Variants in GPC5 observed in about 807,000 individuals in gnomAD.
GPC5 encodes the protein glypican 5.
Under a neutral mutation model 53.9 loss-of-function variants are expected in GPC5, and 47 were observed. That is an observed-to-expected ratio of 0.87 (90% CI 0.69 to 1.11). GPC5 has a LOEUF of 1.11. Among genes scored for constraint, GPC5 ranks in the 50% most tolerant of loss-of-function variants. The pLI, the probability that GPC5 is intolerant of heterozygous loss-of-function variation, is 0.00. For missense variants in GPC5, 748 were observed against 713.1 expected (o/e 1.05, Z -0.56); for synonymous variants, 286 against 263.3 (o/e 1.09, Z -0.84).
chr13:92,032,835 T>G (rs1446645792), intron 6 of GPC5, among the ~76,000 whole-genome samples: 1 of 152,192 alleles, frequency 6.6e-6, no homozygotes, highest in Non-Finnish European at 1.5e-5. Context: ...TCCCCCATTC[T>G]CTGCCCATCT....
At chr13:92,825,559 C>T (rs1877818785) in intron 7 of GPC5, among the ~76,000 whole-genome samples, 1 of 152,108 alleles carries the variant, frequency 6.6e-6, no homozygotes, top group Admixed American at 6.6e-5. Flanking sequence ...TGCTGCATAA[C>T]ATGAATTACA....
chr13:92,791,321 G>C (rs1363647796), intron 7 of GPC5, among the ~76,000 whole-genome samples: 1 of 151,578 alleles, frequency 6.6e-6, no homozygotes, highest in Non-Finnish European at 1.5e-5. Flanking sequence ...ATGAGTTAAA[G>C]AGTTGCCAAG....
At chr13:91,951,658 A>C (rs968486372) in intron 6 of GPC5, among the ~76,000 whole-genome samples, 1 of 152,134 alleles carries the variant, frequency 6.6e-6, no homozygotes, top group Non-Finnish European at 1.5e-5. Context: ...TCACATTTTT[A>C]CAAATGTTAG....
Position 92,824,534 on chromosome 13 carries a change from A to G in GPC5, c.1562-41748A>G, listed in dbSNP as rs572205306. Among the ~76,000 whole-genome samples, 4 of 152,230 alleles carry G rather than the reference A, an allele frequency of 2.6e-5. No individual in the cohort carries two copies. The East Asian group carries it at 7.7e-4, about 29-fold the overall frequency. On this transcript the variant is annotated intron_variant, in intron 7 of 7. Coordinates refer to ENST00000377067, the MANE Select transcript of GPC5 (RefSeq NM_004466.6). ...TGGAAGAAGACAGCATAATTCCTAT[A>G]TCCTGGAATATATGCATTGCTCAAT...
At chr13:92,351,671 G>C (rs1420176139) in intron 7 of GPC5, among the ~76,000 whole-genome samples, 1 of 152,056 alleles carries the variant, frequency 6.6e-6, no homozygotes, top group Non-Finnish European at 1.5e-5. Context: ...TTGATGCATA[G>C]AGACAATTAG....
intron 2 of GPC5, among the ~76,000 whole-genome samples, chr13:91,459,136 A>C (rs1247243961): frequency 2.0e-5 from 3 of 151,852 alleles, no homozygotes; most frequent in Non-Finnish European, 4.4e-5. Flanking sequence ...GGTGCACCAA[A>C]ATTTCAGAAG....
chr13:92,607,074 T>G (rs1346473905), intron 7 of GPC5, among the ~76,000 whole-genome samples: 1 of 152,224 alleles, frequency 6.6e-6, no homozygotes, highest in African/African-American at 2.4e-5. Flanking sequence ...GTAGATTTGA[T>G]GTTCTGAAAC....
At position 92,730,742 on chromosome 13, in the gene GPC5, G is replaced by T. The variant is rs78516608; in HGVS notation, c.1562-135540G>T. On this transcript the variant is annotated intron_variant, in intron 7 of 7. Transcript: ENST00000377067. The stretch of plus-strand genomic sequence containing the variant: ...GGCCATGTAGAGCAGAGAAAAGACT[G>T]CAGATTTAAAGACTTCTTGAGGCTG... Among the ~76,000 whole-genome samples the T allele has an allele frequency of 5.2e-3, 791 of 151,432 alleles. 7 individuals are homozygous for T. Among genetic ancestry groups the T allele is most frequent in the Non-Finnish European group, 7.9e-3 (535 of 67,572 alleles).
chr13:91,919,709 C>T (rs893070206), intron 6 of GPC5, among the ~76,000 whole-genome samples: 4 of 152,084 alleles, frequency 2.6e-5, no homozygotes, highest in Non-Finnish European at 5.9e-5. Context: ...CCTCCACTTT[C>T]TCCCTTGCAG....
chr13:92,208,125 C>T (rs894267427), intron 7 of GPC5, among the ~76,000 whole-genome samples: 3 of 152,200 alleles, frequency 2.0e-5, no homozygotes, highest in African/African-American at 7.2e-5. Flanking sequence ...AGTGTTCACT[C>T]ATTTCATGGA....
intron 2 of GPC5, among the ~76,000 whole-genome samples, chr13:91,470,133 C>T (rs998704526): frequency 2.6e-5 from 4 of 152,182 alleles, no homozygotes. Flanking sequence ...TATTAAGTTG[C>T]AGCAGCCAGA....
intron 6 of GPC5, among the ~76,000 whole-genome samples, chr13:92,093,519 G>C (rs528248441): frequency 7.2e-5 from 11 of 151,848 alleles, no homozygotes; most frequent in Non-Finnish European, 7.4e-5. Context: ...GTGAAGCTAT[G>C]TTATCAAGTT....
rs374436503 is a variant in GPC5, at chr13:92,046,808, T to G, written c.1402-98022T>G. 5.3e-5 allele frequency among the ~76,000 whole-genome samples: 8 copies of G among 152,346 alleles called. No individual in the cohort carries two copies. In the East Asian group the frequency reaches 9.6e-4, roughly 18 times the overall value. ...CAAAAACACACTTGTATCTTACCTC[T>G]GAGCAGCAAATGACAGCATGCAGAC... On this transcript the variant is annotated intron_variant, in intron 6 of 7. Transcript: ENST00000377067.
chr13:92,468,821 C>G (rs1878800861), intron 7 of GPC5, among the ~76,000 whole-genome samples: 1 of 152,084 alleles, frequency 6.6e-6, no homozygotes, highest in South Asian at 2.1e-4. Context: ...TGCAAAGCAT[C>G]AAGTGTCATC....
chr13:91,440,866 A>G (rs1210681105), intron 1 of GPC5, among the ~76,000 whole-genome samples: 1 of 152,168 alleles, frequency 6.6e-6, no homozygotes, highest in Non-Finnish European at 1.5e-5. Context: ...TGCACAAGTT[A>G]TGTGAGGTAT....
rs972244219 is a variant in GPC5 at position 91,756,243 on chromosome 13, G to A, written c.1155-52G>A. Reference sequence around the variant, plus strand: ...ATAACAATACATATCATTTTTGATGGCCTTTATTGTGGATGTTTGGTTTTA... The same window carrying A: ...ATAACAATACATATCATTTTTGATGACCTTTATTGTGGATGTTTGGTTTTA... On this transcript the variant is annotated intron_variant, in intron 4 of 7. Transcript: ENST00000377067. 4 of 1,357,532 alleles carry A rather than the reference G, an allele frequency of 2.9e-6. 1 individual carries two copies. Among genetic ancestry groups the A allele is most frequent in the South Asian group, 3.8e-5 (2 of 52,278 alleles). 84.1% of individuals were successfully genotyped at this position (1,357,532 alleles called of 1,614,324 possible). A position where few individuals can be genotyped will look rare whatever the true frequency, so the allele number is the denominator to read the frequency against.
intron 5 of GPC5, among the ~76,000 whole-genome samples, chr13:91,828,481 C>A (rs2038609234): frequency 6.6e-6 from 1 of 152,004 alleles, no homozygotes; most frequent in Admixed American, 6.6e-5. Context: ...ACGTTGATTG[C>A]AATGATCATG....
intron 7 of GPC5, among the ~76,000 whole-genome samples, chr13:92,360,811 A>G (rs1411992130): frequency 6.6e-6 from 1 of 151,878 alleles, no homozygotes; most frequent in Non-Finnish European, 1.5e-5. Flanking sequence ...TACAAATATC[A>G]CTAGCATTCC....
intron 7 of GPC5, among the ~76,000 whole-genome samples, chr13:92,854,685 C>T (rs1460180833): frequency 6.6e-6 from 1 of 151,958 alleles, no homozygotes; most frequent in Non-Finnish European, 1.5e-5. Context: ...GTACCTTCAC[C>T]GTAGCCTGGC....
Sources: gnomAD v4.1 joint callset for allele counts (sites outside exome capture counted in the v4.1 genomes callset) on GRCh38, gnomAD v4.1.1 for gene constraint, MANE v1.5 for transcripts, NCBI Gene and HGNC (gene_info 2026-07-23, HGNC 2026-07-21) for gene names.